CPLANE1: variants seen among roughly 807,000 people sequenced by gnomAD.
The protein encoded by CPLANE1 is ciliogenesis and planar polarity effector complex subunit 1, also known as ciliogenesis and planar polarity effector 1.
A neutral mutation model predicts 362.5 loss-of-function variants in CPLANE1; 263 were observed. The observed-to-expected ratio is 0.73, with a 90% confidence interval of 0.66 to 0.80. The LOEUF (loss-of-function observed/expected upper bound fraction) is 0.80. CPLANE1 is among the 30% of genes least tolerant of loss of function. The pLI, the probability that CPLANE1 is intolerant of heterozygous loss-of-function variation, is 0.00. For missense variants in CPLANE1, 3,461 were observed against 3,793.4 expected (o/e 0.91, Z 2.30); for synonymous variants, 1,212 against 1,302.6 (o/e 0.93, Z 1.50).
At chr5:37,174,354 T>C (rs551225079) in intron 31 of CPLANE1, among the ~76,000 whole-genome samples, 1 of 152,336 alleles carries the variant, frequency 6.6e-6, no homozygotes, top group Non-Finnish European at 1.5e-5. Context: ...TGATCCAGCA[T>C]AGAGTTAAGA....
intron 21 of CPLANE1, among the ~76,000 whole-genome samples, chr5:37,188,465 C>T (rs765144698): frequency 1.3e-5 from 2 of 152,210 alleles, no homozygotes; most frequent in Non-Finnish European, 2.9e-5. Flanking sequence ...CTCCTAGCTA[C>T]TTGGACACCT....
rs1178949762 is a variant in CPLANE1 at position 37,209,617 on chromosome 5, G to A, written c.2921-3192C>T. 1.4e-6 allele frequency: 2 copies of A among 1,439,002 alleles called. No individual in the cohort carries two copies. Among genetic ancestry groups the A allele is most frequent in the Non-Finnish European group, 9.8e-7 (1 of 1,022,090 alleles). 89.1% of individuals were successfully genotyped at this position (1,439,002 alleles called of 1,614,324 possible). A position where few individuals can be genotyped will look rare whatever the true frequency, so the allele number is the denominator to read the frequency against. On this transcript the variant is annotated intron_variant, in intron 16 of 52. Transcript: ENST00000651892. The surrounding 1 kb of genome is among the most constrained non-coding windows in gnomAD (Gnocchi z 4.6). ...TTAGTGGCAGATCACTTACAAAGAT[G>A]TGGCTGTGAATATTCACTTTCTGTT...
At chr5:37,234,218 G>C (rs557721350) in intron 8 of CPLANE1, among the ~76,000 whole-genome samples, 1 of 152,108 alleles carries the variant, frequency 6.6e-6, no homozygotes, top group East Asian at 1.9e-4. Context: ...CACAAAAATT[G>C]TCCGGTAATA....
intron 39 of CPLANE1, 64 bp from the exon 40 acceptor site, chr5:37,157,932 CAAAAAAAAA>C (rs1157107088): frequency 3.4e-4 from 23 of 67,798 alleles, no homozygotes; most frequent in African/African-American, 4.9e-4. Context: ...GTCACTCCGC[CAAAAAAAAA>C]AAAAAAAAAA....
chr5:37,103,104 A>T (rs1757375535), downstream of CPLANE1, among the ~76,000 whole-genome samples: 1 of 152,192 alleles, frequency 6.6e-6, no homozygotes, highest in Non-Finnish European at 1.5e-5. Context: ...TAGGATAGTT[A>T]GCTCTTGTTG....
At chr5:37,239,537 C>A (rs948801295) in intron 7 of CPLANE1, among the ~76,000 whole-genome samples, 176 bp downstream of exon 7, 2 of 137,662 alleles carry the variant, frequency 1.5e-5, no homozygotes, top group Non-Finnish European at 3.0e-5. Flanking sequence ...AAGCCATGAT[C>A]GCACCACTGC....
At chr5:37,145,851 G>GT (rs1301912184) in intron 43 of CPLANE1, among the ~76,000 whole-genome samples, 1 of 152,138 alleles carries the variant, frequency 6.6e-6, no homozygotes, top group Non-Finnish European at 1.5e-5. Context: ...ATGCTTGCTG[G>GT]TTAAAAAAGA....
At position 37,209,455 on chromosome 5, in the gene CPLANE1, G is replaced by T; in HGVS notation, c.2921-3030C>A. The T allele has an allele frequency of 7.6e-7, 1 of 1,308,646 alleles. No homozygotes were observed. The highest frequency in any genetic ancestry group is 1.2e-5 in the South Asian group (1 of 84,914). 81.1% of individuals were successfully genotyped at this position (1,308,646 alleles called of 1,614,324 possible). A position where few individuals can be genotyped will look rare whatever the true frequency, so the allele number is the denominator to read the frequency against. On this transcript the variant is annotated intron_variant, in intron 16 of 52. Transcript: ENST00000651892. This position sits in a 1 kb window ranked among gnomAD's most constrained non-coding sequence, Gnocchi z 4.6. Reference sequence around the variant, plus strand: ...CTATACCAGACATTTAAGGATCGGGGTATACTGGAAACACTCAAGATACAA... The same window carrying T: ...CTATACCAGACATTTAAGGATCGGGTTATACTGGAAACACTCAAGATACAA...
rs1783565336 is a variant in CPLANE1 at position 37,184,856 on chromosome 5, G to A, written c.4413C>T (p.His1471=). 1 of 1,613,916 alleles carries A rather than the reference G, an allele frequency of 6.2e-7. No homozygotes were observed. Among genetic ancestry groups the A allele is most frequent in the African/African-American group, 1.3e-5 (1 of 74,906 alleles). ...CTTCAGAGAACGTATCTGCATCACT[G>A]TGAACCACAGAATCTCCTAGTTCTG... The part of the protein sequence containing the change: ...TLTELGDSVV[H]SDADTFSEAL... Residue 1471 remains histidine, a synonymous_variant, in exon 25 of 53, where the codon CAC becomes CAT. Coordinates refer to ENST00000651892, the MANE Select transcript of CPLANE1 (RefSeq NM_001384732.1).
intron 23 of CPLANE1, 145 bp from the exon 24 acceptor site, chr5:37,186,539 A>G (rs1199024985): frequency 3.5e-6 from 2 of 579,016 alleles, no homozygotes; most frequent in South Asian, 4.5e-5. Context: ...CTCTCTGAGC[A>G]TCTGTCTGCT....
At chr5:37,240,564 C>T (rs1199157098) in intron 6 of CPLANE1, among the ~76,000 whole-genome samples, 1 of 152,062 alleles carries the variant, frequency 6.6e-6, no homozygotes, top group East Asian at 1.9e-4. Context: ...CCAGATCTCC[C>T]GTGAACTCAG....
rs115188414 is a variant in CPLANE1, at chr5:37,120,880, A to T, written c.9186-540T>A. On this transcript the variant is annotated intron_variant, in intron 49 of 52. Coordinates refer to ENST00000651892, the MANE Select transcript of CPLANE1 (RefSeq NM_001384732.1). ...CTACACACACAGATGATCTGATTAC[A>T]TCTGGGTTTGTGTTGGTAGTATCTC... Among the ~76,000 whole-genome samples, 882 of 152,308 alleles carry T rather than the reference A, an allele frequency of 5.8e-3. 2 individuals carry two copies. Among genetic ancestry groups the T allele is most frequent in the Non-Finnish European group, 9.7e-3 (663 of 68,020 alleles).
intron 36 of CPLANE1, 94 bp from the exon 37 acceptor site, chr5:37,164,421 A>G: frequency 1.2e-6 from 1 of 853,686 alleles, no homozygotes; most frequent in Admixed American, 2.2e-5. Context: ...TTGAATTCTC[A>G]TGTATAACTT....
At chr5:37,131,137 A>C (rs1765664181) in intron 46 of CPLANE1, among the ~76,000 whole-genome samples, 1 of 152,192 alleles carries the variant, frequency 6.6e-6, no homozygotes, top group Admixed American at 6.5e-5. Context: ...TCCTTTTATA[A>C]GTGGAGAAAA....
At chr5:37,122,313 T>C (rs771246667) in intron 48 of CPLANE1, 117 bp downstream of exon 48, 5 of 806,580 alleles carry the variant, frequency 6.2e-6, no homozygotes, top group Non-Finnish European at 1.0e-5. Context: ...ACTCCCATAA[T>C]TCTCTGTTTA....
intron 19 of CPLANE1, among the ~76,000 whole-genome samples, chr5:37,199,482 C>G (rs748293581): frequency 1.3e-5 from 2 of 152,126 alleles, no homozygotes; most frequent in Non-Finnish European, 2.9e-5. Context: ...GTAGCTTTCA[C>G]CAATTTATTC....
At chr5:37,191,140 T>C (rs1240344180) in intron 21 of CPLANE1, among the ~76,000 whole-genome samples, 2 of 152,116 alleles carry the variant, frequency 1.3e-5, no homozygotes, top group Non-Finnish European at 2.9e-5. Flanking sequence ...TTGATGATCC[T>C]GACCCTATGT....
chr5:37,139,653 CAA>C (rs1769054244), intron 44 of CPLANE1: 1 of 428,024 alleles, frequency 2.3e-6, no homozygotes, highest in Non-Finnish European at 3.2e-6. Context: ...CGGGCTCAAG[CAA>C]ACCTCCCACC....
At chr5:37,231,539 T>C (rs1000450551) in intron 8 of CPLANE1, among the ~76,000 whole-genome samples, 6 of 152,102 alleles carry the variant, frequency 3.9e-5, no homozygotes, top group Non-Finnish European at 8.8e-5. Context: ...TGCACTCCAG[T>C]CTGGGACACA....
Sources: allele counts gnomAD v4.1 joint callset (sites outside exome capture counted in the v4.1 genomes callset), GRCh38; gene constraint gnomAD v4.1.1; non-coding constraint Gnocchi (gnomAD v3.1); transcripts MANE v1.5; gene names NCBI Gene and HGNC (gene_info 2026-07-23, HGNC 2026-07-21).